The following TXNRD1 variants were observed in gnomAD, a reference collection of about 807,000 sequenced individuals.
TXNRD1 encodes thioredoxin reductase 1, cytoplasmic.
In TXNRD1, 57 loss-of-function variants were observed where a neutral mutation model predicts 80.3. The ratio of observed to expected loss-of-function variants is 0.71; its 90% CI spans 0.57 to 0.89. The LOEUF (loss-of-function observed/expected upper bound fraction) is 0.89. TXNRD1 is among the 40% of genes least tolerant of loss of function. The probability of loss-of-function intolerance (pLI) is 0.00; values close to 1 mark genes in which losing one functional copy is unlikely to be tolerated. For missense variants in TXNRD1, 730 were observed against 803.0 expected (o/e 0.91, Z 1.10); for synonymous variants, 291 against 285.2 (o/e 1.02, Z -0.20).
At chr12:104,298,451 C>T (rs532307436) in intron 4 of TXNRD1, among the ~76,000 whole-genome samples, 10 of 152,238 alleles carry the variant, frequency 6.6e-5, no homozygotes, top group Admixed American at 1.3e-4. Flanking sequence ...TGGGGCCGGG[C>T]GCAGTGGCTC....
chr12:104,341,321 T>TA (rs1413822894), intron 16 of TXNRD1, among the ~76,000 whole-genome samples: 3 of 152,020 alleles, frequency 2.0e-5, no homozygotes, highest in East Asian at 3.9e-4. Context: ...ATTAAGAAGA[T>TA]AAAAAAAATT....
chr12:104,283,216 A>G (rs1337627931), intron 3 of TXNRD1, among the ~76,000 whole-genome samples: 3 of 151,796 alleles, frequency 2.0e-5, no homozygotes, highest in African/African-American at 4.8e-5. Context: ...TACAACAATC[A>G]TTTCCTTCTC....
rs750358315 is a variant in TXNRD1 at position 104,327,654 on chromosome 12, GC to G, written c.1526del (p.Ala509GlufsTer67). On this transcript the variant is annotated frameshift_variant, in exon 13 of 17. Transcript: ENST00000525566. LOFTEE classifies it high-confidence loss of function. ...AGRLLAQRLY[A>X]GSTVKCDYEN... ...AAGATTGCTGGCTCAGAGGCTCTAT[GC>G]AGGTTCCACTGTCAAGGTGAGTGTT... 1 of 1,613,640 alleles carries G rather than the reference GC, an allele frequency of 6.2e-7. No homozygotes were observed. The highest frequency in any genetic ancestry group is 8.5e-7 in the Non-Finnish European group (1 of 1,179,830).
intron 13 of TXNRD1, among the ~76,000 whole-genome samples, 149 bp from the exon 14 acceptor site, chr12:104,331,381 GATTA>G (rs1301138850): frequency 3.9e-5 from 6 of 152,084 alleles, no homozygotes; most frequent in African/African-American, 1.4e-4. Flanking sequence ...CAATGTAGTA[GATTA>G]ATTAATTAAT....
rs72554692 is a variant in TXNRD1 at position 104,286,365 on chromosome 12, C to A, written c.305-2566C>A. On this transcript the variant is annotated intron_variant, in intron 3 of 16. Transcript: ENST00000525566. ...CACTCTGAGTTTTTCTTAAAAAAAA[C>A]AATAAATACCAAACTTAGAATCTAA... Among the ~76,000 whole-genome samples, 70 of 152,204 alleles carry A rather than the reference C, an allele frequency of 4.6e-4. 2 individuals carry two copies. The highest frequency in any genetic ancestry group is 1.6e-3 in the African/African-American group (66 of 41,518).
intron 1 of TXNRD1, among the ~76,000 whole-genome samples, chr12:104,229,844 G>A (rs541080212): frequency 2.0e-5 from 3 of 151,868 alleles, no homozygotes; most frequent in African/African-American, 7.2e-5. Context: ...ACCTGCCTCG[G>A]CCTCTCAAAG....
In TXNRD1 at chr12:104,327,588, G is replaced by A. The variant is rs375374294; in HGVS notation, c.1459G>A (p.Glu487Lys). 1.5e-5 allele frequency: 25 copies of A among 1,613,642 alleles called. No individual in the cohort carries two copies. In the South Asian group the frequency reaches 2.0e-4, roughly 13 times the overall value. The change falls in exon 13 of 17, where the codon GAG becomes AAG. Residue 487 changes from glutamate to lysine, a missense_variant. By Grantham distance (56) the Glu-to-Lys change is moderately conservative. Coordinates refer to ENST00000525566, the MANE Select transcript of TXNRD1 (RefSeq NM_001093771.3). ...PYIYAIGDIL[E>K]DKVELTPVAI... ...CATCTATGCCATTGGCGATATATTG[G>A]AGGATAAGGTGGAGCTCACCCCAGT...
chr12:104,334,937 T>C (rs2036082699), intron 15 of TXNRD1, among the ~76,000 whole-genome samples: 1 of 152,134 alleles, frequency 6.6e-6, no homozygotes. Flanking sequence ...TCATCGACTA[T>C]CTAAATATAA....
chr12:104,303,700 G>C, intron 4 of TXNRD1: 1 of 614,122 alleles, frequency 1.6e-6, no homozygotes, highest in Non-Finnish European at 2.6e-6. Context: ...CGCGGAGCGT[G>C]CTGGGGGCGG....
At chr12:104,232,642 C>A (rs2032650697) in intron 1 of TXNRD1, among the ~76,000 whole-genome samples, 1 of 152,104 alleles carries the variant, frequency 6.6e-6, no homozygotes, top group African/African-American at 2.4e-5. Context: ...GAGGCCAGTG[C>A]TCCCCAAGGG....
rs138302269 is a variant in TXNRD1, at chr12:104,312,466, C to A, written c.538-779C>A. On this transcript the variant is annotated intron_variant, in intron 5 of 16. Transcript: ENST00000525566. The stretch of plus-strand genomic sequence containing the variant: ...GTAGAAGCTGCCCAAATACTGCAGA[C>A]CAGTATGTAGCATGAAGCAATGCTT... 6.3e-3 allele frequency among the ~76,000 whole-genome samples: 963 copies of A among 152,256 alleles called. 9 individuals carry two copies. The highest frequency in any genetic ancestry group is 0.022 in the African/African-American group (908 of 41,552).
At chr12:104,313,553 T>C (rs560571248) in intron 6 of TXNRD1, among the ~76,000 whole-genome samples, 2 of 152,354 alleles carry the variant, frequency 1.3e-5, no homozygotes, top group South Asian at 4.1e-4. Flanking sequence ...CAAGCTATGA[T>C]TTAAAGGTAA....
chr12:104,304,417 G>T, intron 4 of TXNRD1: 1 of 1,614,016 alleles, frequency 6.2e-7, no homozygotes, highest in Non-Finnish European at 8.5e-7. Flanking sequence ...CAACATCCTG[G>T]ATGGTAAAAG....
Position 104,251,664 on chromosome 12 carries a change from A to G in TXNRD1, c.229A>G (p.Thr77Ala). 2 of 1,613,960 alleles carry G rather than the reference A, an allele frequency of 1.2e-6. No individual in the cohort carries two copies. The highest frequency in any genetic ancestry group is 8.5e-7 in the Non-Finnish European group (1 of 1,179,880). The change falls in exon 2 of 17, where the codon ACA becomes GCA. Residue 77 changes from threonine (T) to alanine (A), a missense_variant. Transcript: ENST00000525566. ...SVVIFSRSTC[T>A]RCTEVKKLFK... Reference sequence around the variant, plus strand: ...GGTCATCTTCAGTAGGTCCACATGCACACGCTGTACTGAGGTAAGGCTTTA... The same window carrying G: ...GGTCATCTTCAGTAGGTCCACATGCGCACGCTGTACTGAGGTAAGGCTTTA...
chr12:104,269,842 G>A (rs2033616381), intron 3 of TXNRD1, among the ~76,000 whole-genome samples: 1 of 151,886 alleles, frequency 6.6e-6, no homozygotes, highest in Non-Finnish European at 1.5e-5. Context: ...GTGCTGGGAT[G>A]ACAGGTGTGA....
intron 13 of TXNRD1, among the ~76,000 whole-genome samples, chr12:104,331,114 A>G (rs2035932775): frequency 6.6e-6 from 1 of 152,068 alleles, no homozygotes; most frequent in South Asian, 2.1e-4. Context: ...AAAAGGATAA[A>G]ATGTTTTATG....
intron 1 of TXNRD1, among the ~76,000 whole-genome samples, chr12:104,217,766 A>G (rs113135011): frequency 0.016 from 2,474 of 152,124 alleles, 42 homozygotes; most frequent in South Asian, 0.073. Context: ...CCTGGTATCC[A>G]TCATTCTACT....
intron 1 of TXNRD1, among the ~76,000 whole-genome samples, chr12:104,249,352 T>C (rs2033061716): frequency 6.6e-6 from 1 of 152,170 alleles, no homozygotes; most frequent in Non-Finnish European, 1.5e-5. Flanking sequence ...AGAATTAAGA[T>C]TTTGACAGAG....
intron 16 of TXNRD1, among the ~76,000 whole-genome samples, chr12:104,340,340 TGCCTGTG>T (rs1354239217): frequency 3.3e-5 from 5 of 152,248 alleles, no homozygotes; most frequent in Non-Finnish European, 7.3e-5. Context: ...TGACTCAAAC[TGCCTGTG>T]TTGGGAAGGA....
Sources: allele counts gnomAD v4.1 joint callset (sites outside exome capture counted in the v4.1 genomes callset), GRCh38; gene constraint gnomAD v4.1.1; transcripts MANE v1.5; gene names NCBI Gene and HGNC (gene_info 2026-07-23, HGNC 2026-07-21).